Variants in UGT2A2 observed in about 807,000 individuals in gnomAD.
UGT2A2 encodes the protein UDP-glucuronosyltransferase 2A2.
In UGT2A2, 60 loss-of-function variants were observed where a neutral mutation model predicts 50.7. The observed-to-expected ratio is 1.18, with a 90% confidence interval of 0.96 to 1.47. The LOEUF (loss-of-function observed/expected upper bound fraction) is 1.47. UGT2A2 is among the 40% of genes most tolerant of loss of function. The pLI is 0.00. For missense variants in UGT2A2, 762 were observed against 634.0 expected (o/e 1.20, Z -2.17); for synonymous variants, 242 against 214.6 (o/e 1.13, Z -1.11).
At chr4:69,593,183 C>A (rs1044208231) in intron 5 of UGT2A2, among the ~76,000 whole-genome samples, 4 of 151,982 alleles carry the variant, frequency 2.6e-5, no homozygotes, top group African/African-American at 9.7e-5. Flanking sequence ...ATATCCAAGT[C>A]TTTATTGAAA....
In UGT2A2 at chr4:69,599,370, G is replaced by A. The variant is rs757879923; in HGVS notation, c.767C>T (p.Thr256Ile). The A allele has an allele frequency of 1.2e-6, 2 of 1,613,660 alleles. No homozygotes were observed. The highest frequency in any genetic ancestry group is 1.7e-6 in the Non-Finnish European group (2 of 1,179,876). The part of the protein sequence containing the change: ...ILGRPTTLCE[T>I]MGKAEIWLIR... ...TAACCAAATTTCAGCTTTCCCCATA[G>A]TCTCACATAACGTAGTGGGTCTTCC... The change falls in exon 2 of 6, where the codon ACT becomes ATT. Residue 256 changes from threonine (T) to isoleucine (I), a missense_variant. Physicochemically the swap from Thr to Ile is moderately conservative, Grantham distance 89 (BLOSUM62 -1). Transcript: ENST00000604629.
In UGT2A2 at chr4:69,605,191, T is replaced by C. The variant is rs911425469; in HGVS notation, c.743-5797A>G. 1.5e-5 allele frequency among the ~76,000 whole-genome samples: 2 copies of C among 136,470 alleles called. 1 individual carries two copies. Among genetic ancestry groups the C allele is most frequent in the Non-Finnish European group, 3.1e-5 (2 of 64,286 alleles). The allele number at this position is 136,470 out of a possible 152,430, so 89.5% of individuals were successfully genotyped here. ...TGGAAGTAAAGCACTCCTCAGCAAA[T>C]GTAAAAGAACAGAAATTATAACAAA... is the stretch of plus-strand genomic sequence containing the variant. On this transcript the variant is annotated intron_variant, in intron 1 of 5. Coordinates refer to ENST00000604629, the MANE Select transcript of UGT2A2 (RefSeq NM_001105677.2).
intron 5 of UGT2A2, among the ~76,000 whole-genome samples, chr4:69,592,346 G>A (rs908452683): frequency 6.6e-6 from 1 of 151,982 alleles, no homozygotes; most frequent in African/African-American, 2.4e-5. Context: ...CACCAAGACC[G>A]AGAAAAAATA....
Position 69,638,545 on chromosome 4 carries a change from A to G in UGT2A2, c.742+354T>C, listed in dbSNP as rs1721849440. On this transcript the variant is annotated intron_variant, in intron 1 of 5. Transcript: ENST00000604629. ...TAATGAAGGACAAAGGAGGCATGGT[A>G]AATCATGTATCACCTCGAAAATATT... Among the ~76,000 whole-genome samples the G allele has an allele frequency of 2.0e-5, 3 of 152,314 alleles. No individual in the cohort carries two copies. The South Asian group carries it at 6.2e-4, about 32-fold the overall frequency.
intron 1 of UGT2A2, among the ~76,000 whole-genome samples, chr4:69,607,218 G>GCATGGTACTGGT (rs1553904403): frequency 1.3e-4 from 19 of 150,072 alleles, no homozygotes; most frequent in South Asian, 2.1e-4. Flanking sequence ...TACCAAAACA[G>GCATGGTACTGGT]AGATAAAGAC....
chr4:69,599,206 A>C (rs1407223085), intron 2 of UGT2A2, 40 bp downstream of exon 2: 2 of 1,570,638 alleles, frequency 1.3e-6, no homozygotes, highest in East Asian at 4.6e-5. Flanking sequence ...TAAGTATTTT[A>C]TTATGAAGAG....
At chr4:69,602,390 A>C (rs533976551) in intron 1 of UGT2A2, among the ~76,000 whole-genome samples, 2 of 137,604 alleles carry the variant, frequency 1.5e-5, no homozygotes, top group South Asian at 4.8e-4. Flanking sequence ...TACTAATGAC[A>C]ACTTTAATTC....
At position 69,610,332 on chromosome 4, in the gene UGT2A2, C is replaced by T. The variant is rs182474375; in HGVS notation, c.743-10938G>A. 3.3e-5 allele frequency among the ~76,000 whole-genome samples: 5 copies of T among 152,208 alleles called. No homozygotes were observed. The East Asian group carries it at 9.7e-4, about 29-fold the overall frequency. Reference sequence around the variant, plus strand: ...TGCTTAATCATTTAGCATTTACCCTCAGACATTTTCTGGGGCAGGGTACAA... The same window carrying T: ...TGCTTAATCATTTAGCATTTACCCTTAGACATTTTCTGGGGCAGGGTACAA... On this transcript the variant is annotated intron_variant, in intron 1 of 5. Transcript: ENST00000604629.
intron 1 of UGT2A2, among the ~76,000 whole-genome samples, chr4:69,616,234 T>A (rs1368011304): frequency 2.6e-5 from 4 of 151,560 alleles, no homozygotes; most frequent in Non-Finnish European, 5.9e-5. Flanking sequence ...CTGGGAAAGG[T>A]CTTGGGGGGT....
At chr4:69,613,063 C>T (rs1337401497) in intron 1 of UGT2A2, among the ~76,000 whole-genome samples, 1 of 150,332 alleles carries the variant, frequency 6.7e-6, no homozygotes, top group Non-Finnish European at 1.5e-5. Context: ...CTAAAAAAGA[C>T]AGGCAAAAGA....
At chr4:69,618,221 T>TTGTG (rs112693693) in intron 1 of UGT2A2, among the ~76,000 whole-genome samples, 52,633 of 144,394 alleles carry the variant, frequency 0.36, 10,131 homozygotes, top group East Asian at 0.6. Flanking sequence ...GTGTGTATGT[T>TTGTG]TGTGTGTGTG....
chr4:69,610,631 C>T (rs1399915515), intron 1 of UGT2A2, among the ~76,000 whole-genome samples: 1 of 152,042 alleles, frequency 6.6e-6, no homozygotes, highest in African/African-American at 2.4e-5. Flanking sequence ...GATAATTAAG[C>T]TTAAAGAGTT....
In UGT2A2 at chr4:69,589,714, A is replaced by T. The variant is rs546585927; in HGVS notation, c.1332-63T>A. On this transcript the variant is annotated intron_variant, in intron 5 of 5. Transcript: ENST00000604629. Reference sequence around the variant, plus strand: ...TTGTTTTTATTTTCATTGAAGATAAATATGTGATACACTTTTGCTCTACAA... The same window carrying T: ...TTGTTTTTATTTTCATTGAAGATAATTATGTGATACACTTTTGCTCTACAA... The T allele has an allele frequency of 7.7e-6, 12 of 1,553,072 alleles. No homozygotes were observed. The African/African-American group carries it at 1.6e-4, about 21-fold the overall frequency.
chr4:69,623,302 A>G (rs2109940171), intron 1 of UGT2A2, among the ~76,000 whole-genome samples: 1 of 151,902 alleles, frequency 6.6e-6, no homozygotes, highest in South Asian at 2.1e-4. Flanking sequence ...GGATTACTAC[A>G]ATGTAACACT....
At chr4:69,630,933 G>A (rs148276393) in intron 1 of UGT2A2, among the ~76,000 whole-genome samples, 1 of 152,050 alleles carries the variant, frequency 6.6e-6, no homozygotes. Context: ...AAGAATACAC[G>A]ACTAAGTGGC....
rs932279551 is a variant in UGT2A2 at position 69,602,855 on chromosome 4, C to G, written c.743-3461G>C. On this transcript the variant is annotated intron_variant, in intron 1 of 5. Coordinates refer to ENST00000604629, the MANE Select transcript of UGT2A2 (RefSeq NM_001105677.2). ...ATTAATTATGAATCTTATTAAGGGT[C>G]AGGAGTTCAAGACCAGTGTGGCCAA... 1.9e-4 allele frequency among the ~76,000 whole-genome samples: 26 copies of G among 135,626 alleles called. 6 individuals are homozygous for G. Among genetic ancestry groups the G allele is most frequent in the Admixed American group, 5.8e-4 (8 of 13,684 alleles). The allele number at this position is 135,626 out of a possible 152,430, so 89.0% of individuals were successfully genotyped here. A position where few individuals can be genotyped will look rare whatever the true frequency, so the allele number is the denominator to read the frequency against.
chr4:69,605,750 G>A lies in UGT2A2; in HGVS notation c.743-6356C>T, dbSNP rs1351026638. On this transcript the variant is annotated intron_variant, in intron 1 of 5. Coordinates refer to ENST00000604629, the MANE Select transcript of UGT2A2 (RefSeq NM_001105677.2). ...AAATGATAAAGGGGATATCACCACC[G>A]ATCCCACAGAAATACAAAGTACCAT... 2.2e-5 allele frequency among the ~76,000 whole-genome samples: 3 copies of A among 136,294 alleles called. 1 individual carries two copies. Among genetic ancestry groups the A allele is most frequent in the East Asian group, 2.0e-4 (1 of 4,886 alleles). 89.4% of individuals were successfully genotyped at this position (136,294 alleles called of 152,430 possible).
rs534173228 is a variant in UGT2A2, at chr4:69,630,437, G to A, written c.742+8462C>T. 5.9e-5 allele frequency among the ~76,000 whole-genome samples: 9 copies of A among 152,074 alleles called. No homozygotes were observed. The South Asian group carries it at 1.9e-3, about 32-fold the overall frequency. On this transcript the variant is annotated intron_variant, in intron 1 of 5. Coordinates refer to ENST00000604629, the MANE Select transcript of UGT2A2 (RefSeq NM_001105677.2). ...CTTTGTCATTTCCCCAGCACCACAA[G>A]CCATAGTTTTTATCAACCATCACTA...
intron 1 of UGT2A2, among the ~76,000 whole-genome samples, chr4:69,605,992 G>T (rs1291072009): frequency 7.3e-6 from 1 of 136,586 alleles, no homozygotes; most frequent in Non-Finnish European, 1.6e-5. Flanking sequence ...TCTACCAGAA[G>T]TACAAGGAGG....
Sources: gnomAD v4.1 joint callset for allele counts (sites outside exome capture counted in the v4.1 genomes callset) on GRCh38, gnomAD v4.1.1 for gene constraint, MANE v1.5 for transcripts, NCBI Gene and HGNC (gene_info 2026-07-23, HGNC 2026-07-21) for gene names.